SACS: variants seen among roughly 807,000 people sequenced by gnomAD.
SACS encodes sacsin.
Under a neutral mutation model 348.0 loss-of-function variants are expected in SACS, and 197 were observed. The observed-to-expected ratio is 0.57, with a 90% CI of 0.50 to 0.64. The LOEUF (loss-of-function observed/expected upper bound fraction) is 0.64, where lower values mean the gene tolerates loss of function less well. Among genes scored for constraint, SACS ranks in the 30% least tolerant of loss-of-function variants. The pLI, the probability that SACS is intolerant of heterozygous loss-of-function variation, is 0.00. For synonymous variants in SACS, 1,985 were observed against 1,910.6 expected, an observed-to-expected ratio of 1.04 and a Z score of -1.02; for missense variants, 4,999 against 5,360.8, an observed-to-expected ratio of 0.93 and a Z score of 2.11.
intron 1 of SACS, among the ~76,000 whole-genome samples, chr13:23,413,222 C>T (rs570424630): frequency 1.3e-5 from 2 of 152,274 alleles, no homozygotes; most frequent in South Asian, 4.1e-4. Context: ...AGGTGATGCG[C>T]CTGCCCTAGC....
chr13:23,336,655 AAT>A lies in SACS; in HGVS notation c.7219_7220del (p.Ile2407Ter). 6.2e-7 allele frequency: 1 copy of A among 1,613,852 alleles called. No individual in the cohort carries two copies. The highest frequency in any genetic ancestry group is 8.5e-7 in the Non-Finnish European group (1 of 1,179,902). ...VEDFALVLES[I>X]DQERGTKQIT... ...TTTGCTTTGTTCCTCTTTCTTGATC[AAT>A]AGATTCCAAAACAAGAGCAAAATCT... On this transcript the variant is annotated frameshift_variant, in exon 10 of 10. Coordinates refer to ENST00000382292, the MANE Select transcript of SACS (RefSeq NM_014363.6). LOFTEE classifies it high-confidence loss of function.
At chr13:23,376,828 G>C (rs570527499) in intron 2 of SACS, among the ~76,000 whole-genome samples, 107 of 152,328 alleles carry the variant, frequency 7.0e-4, no homozygotes, top group African/African-American at 2.5e-3. Context: ...AAGACGGGTG[G>C]ATTACTTGAG....
chr13:23,360,847 C>T (rs1252865879), intron 6 of SACS, among the ~76,000 whole-genome samples: 2 of 151,574 alleles, frequency 1.3e-5, no homozygotes, highest in Non-Finnish European at 2.9e-5. Flanking sequence ...CTCCGCCTCC[C>T]GGGTTCAAGC....
intron 2 of SACS, among the ~76,000 whole-genome samples, chr13:23,410,172 T>G (rs1188214164): frequency 2.0e-5 from 3 of 152,218 alleles, no homozygotes; most frequent in Non-Finnish European, 4.4e-5. Flanking sequence ...GTAAGTAGAC[T>G]TCTCTCATGT....
intron 1 of SACS, among the ~76,000 whole-genome samples, chr13:23,415,305 G>GTA (rs1192116853): frequency 1.3e-5 from 2 of 152,086 alleles, no homozygotes; most frequent in Non-Finnish European, 2.9e-5. Context: ...AGTGCTGGGA[G>GTA]TACAGGTGTG....
Position 23,337,756 on chromosome 13 carries a change from A to G in SACS, c.6120T>C (p.Ala2040=). The part of the protein sequence containing the change: ...PSSVKLGFEE[A]GCKQILLENT... ...TTTCAAGTAGTATCTGTTTGCAGCC[A>G]GCTTCTTCAAATCCTAATTTTACCG... Residue 2040 remains alanine (A), a synonymous_variant, in exon 10 of 10, where the codon GCT becomes GCC. Transcript: ENST00000382292. 6.2e-7 allele frequency: 1 copy of G among 1,613,974 alleles called. No homozygotes were observed. The highest frequency in any genetic ancestry group is 8.5e-7 in the Non-Finnish European group (1 of 1,179,964).
In SACS at chr13:23,331,065, G is replaced by A. The variant is rs768414125; in HGVS notation, c.12811C>T (p.Pro4271Ser). Residue 4271 changes from proline (P) to serine (S), a missense_variant, in exon 10 of 10, where the codon CCT becomes TCT. Physicochemically the swap from Pro to Ser is moderately conservative, Grantham distance 74. This residue lies in a region of SACS where 831 missense variants were observed against 941.8 expected (regional missense o/e 0.88). Transcript: ENST00000382292. The stretch of plus-strand genomic sequence containing the variant: ...AGAGGAGGAATGCTTCTCAGGCCAG[G>A]GGTGAGGAACTCAGTGGGGCTGGTT... ...TPTSPTEFLT[P>S]GLRSIPPLFS... The A allele has an allele frequency of 1.1e-5, 17 of 1,613,932 alleles. No individual in the cohort carries two copies. The African/African-American group carries it at 2.1e-4, about 20-fold the overall frequency.
Position 23,332,757 on chromosome 13 carries a change from GA to G in SACS, c.11118del (p.Leu3707PhefsTer8). On this transcript the variant is annotated frameshift_variant, in exon 10 of 10. Transcript: ENST00000382292. LOFTEE classifies it high-confidence loss of function. ...VLQLLWTSCPILPEKATPLSI... is the reference protein window; with the variant it reads ...VLQLLWTSCPXLPEKATPLSI... ...CTTAAGGGTGTAGCTTTCTCTGGAAGAATAGGGCAGGATGTCCATAACAGCT... is the reference window on the plus strand; with the variant it reads ...CTTAAGGGTGTAGCTTTCTCTGGAAGATAGGGCAGGATGTCCATAACAGCT... The G allele has an allele frequency of 2.5e-6, 4 of 1,613,996 alleles. No homozygotes were observed. The highest frequency in any genetic ancestry group is 3.4e-6 in the Non-Finnish European group (4 of 1,179,942).
intron 3 of SACS, among the ~76,000 whole-genome samples, chr13:23,371,578 T>C (rs956885600): frequency 2.0e-5 from 3 of 152,188 alleles, no homozygotes; most frequent in Non-Finnish European, 4.4e-5. Flanking sequence ...AGATGAATAA[T>C]AATATGATTG....
intron 1 of SACS, chr13:23,419,246 A>G (rs536309605): frequency 9.4e-4 from 143 of 152,628 alleles, no homozygotes; most frequent in African/African-American, 3.2e-3. Flanking sequence ...CAGGCCCTCC[A>G]AGGAAGCCAC....
intron 9 of SACS, among the ~76,000 whole-genome samples, chr13:23,344,388 A>AAC (rs34413245): frequency 0.065 from 9,815 of 151,476 alleles, 426 homozygotes; most frequent in Non-Finnish European, 0.097. Context: ...ATGCCAACAA[A>AAC]ACACACACAC....
chr13:23,364,242 G>T (rs1296666283), intron 6 of SACS, among the ~76,000 whole-genome samples: 1 of 152,110 alleles, frequency 6.6e-6, no homozygotes, highest in Admixed American at 6.6e-5. Context: ...CTTTAAAAAG[G>T]TGTCTCAGAA....
chr13:23,375,517 G>A (rs1233189546), intron 2 of SACS: 2 of 1,109,754 alleles, frequency 1.8e-6, no homozygotes, highest in Non-Finnish European at 1.1e-6. Context: ...GGAAACGCTA[G>A]AGGAAGCCGC....
In SACS at chr13:23,352,347, T is replaced by C. The variant is rs1186145425; in HGVS notation, c.2185+1438A>G. Reference sequence around the variant, plus strand: ...GCAAATAAAAGCCAGACGCAGAATATATGCCACATGGCTCCTTCTATACAA... The same window carrying C: ...GCAAATAAAAGCCAGACGCAGAATACATGCCACATGGCTCCTTCTATACAA... On this transcript the variant is annotated intron_variant, in intron 9 of 9. Transcript: ENST00000382292. 2.0e-5 allele frequency among the ~76,000 whole-genome samples: 3 copies of C among 152,216 alleles called. No homozygotes were observed. In the East Asian group the frequency reaches 5.8e-4, roughly 29 times the overall value.
Position 23,340,759 on chromosome 13 carries a change from G to T in SACS, c.3117C>A (p.Phe1039Leu). 1 of 1,605,340 alleles carries T rather than the reference G, an allele frequency of 6.2e-7. No homozygotes were observed. Among genetic ancestry groups the T allele is most frequent in the Non-Finnish European group, 8.5e-7 (1 of 1,176,574 alleles). ...NVLEWLTPLK[F>L]IQISQEQMVS... ...CCATCTGTTCCTGTGATATCTGGAT[G>T]AATTTTAATGGTGTTAACCACTCAA... The change falls in exon 10 of 10, where the codon TTC becomes TTA. Residue 1039 changes from phenylalanine (F) to leucine (L), a missense_variant. Transcript: ENST00000382292.
In SACS at chr13:23,339,069, T is replaced by C. The variant is rs775633396; in HGVS notation, c.4807A>G (p.Asn1603Asp). ...KDKSNPGIKI[N>D]WSKQQKRLRK... ...AGTCTTTTCTGTTGTTTACTCCAAT[T>C]AATTTTGATCCCAGGATTGGATTTG... Residue 1603 changes from asparagine (N) to aspartate (D), a missense_variant, in exon 10 of 10, where the codon AAT becomes GAT. Physicochemically the swap from Asn to Asp is conservative, Grantham distance 23. This residue lies in a region of SACS where 3,156 missense variants were observed against 3,380.1 expected (regional missense o/e 0.93). Transcript: ENST00000382292. 1.9e-6 allele frequency: 3 copies of C among 1,612,500 alleles called. No individual in the cohort carries two copies. The highest frequency in any genetic ancestry group is 2.7e-5 in the African/African-American group (2 of 75,004).
Position 23,355,428 on chromosome 13 carries a change from C to A in SACS, c.1184G>T (p.Cys395Phe). The A allele has an allele frequency of 6.2e-7, 1 of 1,614,154 alleles. No individual in the cohort carries two copies. Among genetic ancestry groups the A allele is most frequent in the Non-Finnish European group, 8.5e-7 (1 of 1,180,016 alleles). Residue 395 changes from cysteine to phenylalanine, a missense_variant, in exon 8 of 10, where the codon TGT (cysteine) becomes TTT (phenylalanine). Physicochemically the swap from Cys to Phe is radical, Grantham distance 205 (BLOSUM62 -2). This residue lies in a region of SACS where 3,156 missense variants were observed against 3,380.1 expected (regional missense o/e 0.93). Transcript: ENST00000382292. ...GATCCCTCGCCCACCCACACTGTTA[C>A]ACACCAACCAAGATGTTTTCTGTGC... The part of the protein sequence containing the change: ...KDAQKTSWLV[C>F]NSVGGRGISS...
intron 1 of SACS, among the ~76,000 whole-genome samples, chr13:23,420,782 C>G (rs1873906360): frequency 6.6e-6 from 1 of 151,988 alleles, no homozygotes; most frequent in African/African-American, 2.4e-5. Flanking sequence ...CATCAGGAGC[C>G]CAGGTATCCA....
At chr13:23,379,424 C>T (rs758301639) in intron 2 of SACS, among the ~76,000 whole-genome samples, 18 of 152,206 alleles carry the variant, frequency 1.2e-4, no homozygotes, top group Non-Finnish European at 2.2e-4. Context: ...GGGCTCCTCA[C>T]GCTCCCCTCA....
Sources: allele counts gnomAD v4.1 joint callset (sites outside exome capture counted in the v4.1 genomes callset), GRCh38; gene constraint gnomAD v4.1.1; regional missense constraint gnomAD v4.1.1; transcripts MANE v1.5; gene names NCBI Gene and HGNC (gene_info 2026-07-23, HGNC 2026-07-21).